ANK1: variants seen among roughly 807,000 people sequenced by gnomAD.
ANK1 encodes ankyrin-1.
Under a neutral mutation model 210.4 loss-of-function variants are expected in ANK1, and 51 were observed. That is an observed-to-expected ratio of 0.24 (90% CI 0.19 to 0.31). The LOEUF is 0.31. Among genes scored for constraint, ANK1 ranks in the 10% least tolerant of loss-of-function variants. The pLI is 1.00. For synonymous variants in ANK1, 967 were observed against 1,025.9 expected (o/e 0.94, Z 1.10); for missense variants, 2,051 against 2,504.4 (o/e 0.82, Z 3.86).
chr8:41,878,041 C>T (rs748606114), intron 1 of ANK1, among the ~76,000 whole-genome samples: 2 of 152,246 alleles, frequency 1.3e-5, no homozygotes, highest in Non-Finnish European at 1.5e-5. Flanking sequence ...AAACAGTCAA[C>T]TGAAAGCATG....
rs751917351 is a variant in ANK1 at position 41,715,818 on chromosome 8, C to T, written c.1436G>A (p.Arg479His). 4.3e-6 allele frequency: 7 copies of T among 1,614,056 alleles called. No homozygotes were observed. Among genetic ancestry groups the T allele is most frequent in the African/African-American group, 1.3e-5 (1 of 74,912 alleles). Reference protein sequence around the residue: ...DDQTPLHCAARIGHTNMVKLL... With the variant: ...DDQTPLHCAAHIGHTNMVKLL... ...CTTCACCATGTTTGTGTGGCCGATG[C>T]GAGCTGCACAGTGAAGTGGGGTCTG... The change falls in exon 14 of 43, where the codon CGC (arginine) becomes CAC (histidine). Residue 479 changes from arginine (R) to histidine (H), a missense_variant. Physicochemically the swap from Arg to His is conservative, Grantham distance 29. Around this residue, in one of 6 missense-constraint regions of ANK1, gnomAD observed 1,413 missense variants for 1,707.4 expected, o/e 0.83. Coordinates refer to ENST00000289734, the MANE Select transcript of ANK1 (RefSeq NM_000037.4).
At chr8:41,763,335 T>C (rs1840889360) in intron 1 of ANK1, among the ~76,000 whole-genome samples, 1 of 152,266 alleles carries the variant, frequency 6.6e-6, no homozygotes, top group East Asian at 1.9e-4. Flanking sequence ...ATACTAAAAT[T>C]ATAATACCAA....
chr8:41,703,905 G>A, intron 20 of ANK1, 136 bp downstream of exon 20: 2 of 768,132 alleles, frequency 2.6e-6, no homozygotes, highest in South Asian at 2.9e-5. Flanking sequence ...GGTACCCAAG[G>A]TAGCTGTGGC....
chr8:41,760,875 CTT>C (rs1314847022), intron 1 of ANK1, among the ~76,000 whole-genome samples: 5 of 152,156 alleles, frequency 3.3e-5, no homozygotes, highest in Non-Finnish European at 7.3e-5. Flanking sequence ...CACCCAGGCA[CTT>C]TGTCTCCTTC....
At position 41,714,206 on chromosome 8, in the gene ANK1, T is replaced by C. The variant is rs775001475; in HGVS notation, c.1750A>G (p.Ile584Val). The change falls in exon 16 of 43, where the codon ATC becomes GTC. Residue 584 changes from isoleucine (I) to valine (V), a missense_variant. By Grantham distance (29) the Ile-to-Val change is conservative. Coordinates refer to ENST00000289734, the MANE Select transcript of ANK1 (RefSeq NM_000037.4). Reference sequence around the variant, plus strand: ...CCCCGGGGAAGCAGCAGCTTGACGATGTCCAGGTTGTTGTGATGGACGGCC... The same window carrying C: ...CCCCGGGGAAGCAGCAGCTTGACGACGTCCAGGTTGTTGTGATGGACGGCC... ...HVAVHHNNLD[I>V]VKLLLPRGGS... 4 of 1,513,414 alleles carry C rather than the reference T, an allele frequency of 2.6e-6. No homozygotes were observed. Among genetic ancestry groups the C allele is most frequent in the Non-Finnish European group, 3.6e-6 (4 of 1,118,532 alleles). 93.7% of individuals were successfully genotyped at this position (1,513,414 alleles called of 1,614,324 possible).
chr8:41,697,812 C>A, intron 24 of ANK1: 1 of 614,834 alleles, frequency 1.6e-6, no homozygotes, highest in East Asian at 3.0e-5. Flanking sequence ...CCAAGGACTG[C>A]GCCACCACAG....
At chr8:41,736,563 G>A (rs530168793) in intron 2 of ANK1, among the ~76,000 whole-genome samples, 485 of 152,274 alleles carry the variant, frequency 3.2e-3, no homozygotes, top group Non-Finnish European at 5.3e-3. Context: ...CGCTTACTGC[G>A]GGAAGCTGAC....
intron 3 of ANK1, among the ~76,000 whole-genome samples, chr8:41,730,233 G>T (rs1246691845): frequency 6.6e-6 from 1 of 152,120 alleles, no homozygotes; most frequent in Non-Finnish European, 1.5e-5. Context: ...CCGGGTCAGG[G>T]AGGCAGCCCC....
At chr8:41,864,148 G>C (rs772259191) in intron 1 of ANK1, among the ~76,000 whole-genome samples, 18 of 151,712 alleles carry the variant, frequency 1.2e-4, no homozygotes, top group Non-Finnish European at 2.4e-4. Context: ...TACTCAGGAG[G>C]CTGAGGCAGA....
At position 41,706,153 on chromosome 8, in the gene ANK1, G is replaced by A; in HGVS notation, c.2087C>T (p.Ala696Val). 2 of 1,613,942 alleles carry A rather than the reference G, an allele frequency of 1.2e-6. No homozygotes were observed. Among genetic ancestry groups the A allele is most frequent in the South Asian group, 2.2e-5 (2 of 91,064 alleles). ...GGCTGCCTGCCTTACCCGGGTGGTG[G>A]CGTCCACCATGACGCCGTGTTTGAT... ...VLIKHGVMVDATTRMGYTPLH... is the reference protein window; with the variant it reads ...VLIKHGVMVDVTTRMGYTPLH... The change falls in exon 18 of 43, where the codon GCC becomes GTC. Residue 696 changes from alanine to valine, a missense_variant. Around this residue, in one of 6 missense-constraint regions of ANK1, gnomAD observed 1,413 missense variants for 1,707.4 expected, o/e 0.83. Transcript: ENST00000289734.
chr8:41,693,617 T>C (rs1214854767), intron 29 of ANK1, among the ~76,000 whole-genome samples: 1 of 151,968 alleles, frequency 6.6e-6, no homozygotes, highest in Non-Finnish European at 1.5e-5. Flanking sequence ...TTTGTATTTT[T>C]AGTAGAGACG....
intron 42 of ANK1, among the ~76,000 whole-genome samples, chr8:41,656,037 G>A (rs1240846921): frequency 6.6e-6 from 1 of 152,258 alleles, no homozygotes; most frequent in African/African-American, 2.4e-5. Flanking sequence ...ATGCCTCTCT[G>A]TATGGGCCAA....
chr8:41,849,485 T>C (rs139193937), intron 1 of ANK1, among the ~76,000 whole-genome samples: 3,639 of 151,874 alleles, frequency 0.024, 173 homozygotes, highest in African/African-American at 0.083. Flanking sequence ...GATCACACCA[T>C]TGTACTCCAG....
At chr8:41,742,004 T>C (rs1834916276) in intron 2 of ANK1, among the ~76,000 whole-genome samples, 1 of 152,232 alleles carries the variant, frequency 6.6e-6, no homozygotes, top group Admixed American at 6.5e-5. Flanking sequence ...GAATGTCAAC[T>C]GACAGGATTG....
At chr8:41,787,071 G>A (rs1004101301) in intron 1 of ANK1, among the ~76,000 whole-genome samples, 1 of 152,244 alleles carries the variant, frequency 6.6e-6, no homozygotes, top group African/African-American at 2.4e-5. Context: ...CCAAAGCACA[G>A]AGGGATGCCT....
intron 1 of ANK1, chr8:41,829,621 T>G (rs939333235): frequency 6.6e-6 from 1 of 152,202 alleles, no homozygotes; most frequent in African/African-American, 2.4e-5. Flanking sequence ...TGTCTAAGAC[T>G]GCCATCCCTA....
At chr8:41,703,422 G>A (rs59079943) in intron 20 of ANK1, among the ~76,000 whole-genome samples, 1,806 of 53,710 alleles carry the variant, frequency 0.034, 134 homozygotes, top group African/African-American at 0.11. Context: ...GTGTGTGTGT[G>A]TATATATATA....
At chr8:41,662,169 A>G (rs1808555226) in intron 40 of ANK1, among the ~76,000 whole-genome samples, 1 of 152,042 alleles carries the variant, frequency 6.6e-6, no homozygotes, top group African/African-American at 2.4e-5. Context: ...TGGCAGGAGA[A>G]TCACTTGAAC....
intron 1 of ANK1, among the ~76,000 whole-genome samples, chr8:41,761,879 GCC>G (rs1365096009): frequency 6.6e-6 from 1 of 151,290 alleles, no homozygotes; most frequent in Non-Finnish European, 1.5e-5. Flanking sequence ...CCACCTCCCA[GCC>G]CCCACCCACA....
Sources: gnomAD v4.1 joint callset for allele counts (sites outside exome capture counted in the v4.1 genomes callset) on GRCh38, gnomAD v4.1.1 for gene constraint, gnomAD v4.1.1 regional missense constraint, MANE v1.5 for transcripts, NCBI Gene and HGNC (gene_info 2026-07-23, HGNC 2026-07-21) for gene names.